The following PLEKHA5 variants were observed in gnomAD, a reference collection of about 807,000 sequenced individuals.
PLEKHA5 encodes the protein pleckstrin homology domain containing A5.
In PLEKHA5, 55 loss-of-function variants were observed where a neutral mutation model predicts 181.9. That is an observed-to-expected ratio of 0.30 (90% CI 0.24 to 0.38). The LOEUF (loss-of-function observed/expected upper bound fraction) is 0.38, where lower values mean the gene tolerates loss of function less well. Ranked by LOEUF, PLEKHA5 falls within the 10% of genes least tolerant of loss-of-function variation. The pLI, the probability that PLEKHA5 is intolerant of heterozygous loss-of-function variation, is 1.00. For synonymous variants in PLEKHA5, 535 were observed against 529.4 expected (o/e 1.01, Z -0.15); for missense variants, 1,432 against 1,549.5 (o/e 0.92, Z 1.27).
chr12:19,327,355 AT>A (rs546586801), intron 20 of PLEKHA5, among the ~76,000 whole-genome samples: 8 of 150,294 alleles, frequency 5.3e-5, no homozygotes, highest in East Asian at 2.0e-4. Flanking sequence ...GATATGGAGC[AT>A]TTTTTTATAT....
chr12:19,347,882 C>CTT lies in PLEKHA5; in HGVS notation c.2899-498_2899-497dup, dbSNP rs527719770. Among the ~76,000 whole-genome samples the CTT allele has an allele frequency of 8.8e-3, 1,058 of 119,792 alleles. 7 individuals carry two copies. Among genetic ancestry groups the CTT allele is most frequent in the African/African-American group, 0.019 (612 of 31,582 alleles). The allele number at this position is 119,792 out of a possible 152,430, so 78.6% of individuals were successfully genotyped here. Reference sequence around the variant, plus strand: ...TGTTCCTAAGAGGAACAGAAATATTCTTTTTTTTTTTTTTTTTTTTGAGAC... The same window carrying CTT: ...TGTTCCTAAGAGGAACAGAAATATTCTTTTTTTTTTTTTTTTTTTTTTGAGAC... On this transcript the variant is annotated intron_variant, in intron 24 of 31. Coordinates refer to ENST00000429027, the MANE Select transcript of PLEKHA5 (RefSeq NM_001256470.2).
intron 3 of PLEKHA5, among the ~76,000 whole-genome samples, chr12:19,134,123 G>C (rs184010807): frequency 1.5e-3 from 229 of 152,078 alleles, no homozygotes; most frequent in African/African-American, 5.3e-3. Context: ...ATCTTATTCT[G>C]TGTGGGCTGA....
At chr12:19,180,252 A>C (rs964299759) in intron 3 of PLEKHA5, among the ~76,000 whole-genome samples, 2 of 152,168 alleles carry the variant, frequency 1.3e-5, no homozygotes, top group African/African-American at 4.8e-5. Flanking sequence ...TATAGACTTT[A>C]AATCACTGTT....
At chr12:19,236,478 G>A (rs752331326) in intron 3 of PLEKHA5, among the ~76,000 whole-genome samples, 2 of 151,930 alleles carry the variant, frequency 1.3e-5, no homozygotes, top group Non-Finnish European at 2.9e-5. Context: ...GTTTCTGGGT[G>A]GTGGAATTCC....
Position 19,160,237 on chromosome 12 carries a change from T to TC in PLEKHA5, c.227+27788dup, listed in dbSNP as rs2042668509. On this transcript the variant is annotated intron_variant, in intron 3 of 31. Transcript: ENST00000429027. ...AGTGTTCTTATTTTTAAGATAAAGTTCATGTTATTGAACACTGACAGTCAT... is the reference window on the plus strand; with the variant it reads ...AGTGTTCTTATTTTTAAGATAAAGTTCCATGTTATTGAACACTGACAGTCAT... 1.3e-5 allele frequency among the ~76,000 whole-genome samples: 2 copies of TC among 152,102 alleles called. 1 individual carries two copies. The highest frequency in any genetic ancestry group is 1.3e-4 in the Admixed American group (2 of 15,272).
chr12:19,340,434 C>T (rs1555167430), intron 21 of PLEKHA5, among the ~76,000 whole-genome samples: 16 of 125,154 alleles, frequency 1.3e-4, no homozygotes, highest in Non-Finnish European at 1.7e-4. Flanking sequence ...GCCCGGCCAC[C>T]ACCCCGTCTG....
intron 3 of PLEKHA5, among the ~76,000 whole-genome samples, chr12:19,211,394 A>G (rs2056866719): frequency 6.6e-6 from 1 of 152,060 alleles, no homozygotes; most frequent in South Asian, 2.1e-4. Context: ...AAGTGTCCTT[A>G]GAAGGGGAGG....
chr12:19,304,782 T>G (rs1205534861), intron 15 of PLEKHA5, among the ~76,000 whole-genome samples: 2 of 151,154 alleles, frequency 1.3e-5, no homozygotes, highest in Non-Finnish European at 2.9e-5. Flanking sequence ...TTGCCAGATA[T>G]GAGAACTACA....
intron 3 of PLEKHA5, among the ~76,000 whole-genome samples, chr12:19,240,643 TA>T (rs201118808): frequency 2.3e-3 from 340 of 149,776 alleles, no homozygotes; most frequent in Non-Finnish European, 3.6e-3. Flanking sequence ...TTATTATTAT[TA>T]TTTTTTTTTA....
intron 15 of PLEKHA5, among the ~76,000 whole-genome samples, chr12:19,296,510 G>A (rs958878449): frequency 6.6e-6 from 1 of 150,700 alleles, no homozygotes; most frequent in Non-Finnish European, 1.5e-5. Flanking sequence ...ATCATGCCCT[G>A]CACTCCAGCC....
At chr12:19,190,801 AG>A (rs1281817339) in intron 3 of PLEKHA5, among the ~76,000 whole-genome samples, 2 of 152,212 alleles carry the variant, frequency 1.3e-5, no homozygotes, top group Non-Finnish European at 2.9e-5. Flanking sequence ...AGCCCTCTCA[AG>A]ATAAGCAGAA....
At chr12:19,315,044 A>G (rs1272664376) in intron 16 of PLEKHA5, 150 bp downstream of exon 16, 2 of 615,558 alleles carry the variant, frequency 3.2e-6, no homozygotes, top group African/African-American at 1.8e-5. Flanking sequence ...CAATTCATCC[A>G]TGCTTTTCAA....
chr12:19,290,577 A>G, intron 13 of PLEKHA5, 100 bp from the exon 14 acceptor site: 1 of 1,045,706 alleles, frequency 9.6e-7, no homozygotes, highest in Non-Finnish European at 1.4e-6. Context: ...TGTCAACCAT[A>G]AGAGGAAACT....
At position 19,130,147 on chromosome 12, in the gene PLEKHA5, A is replaced by C; in HGVS notation, c.169+17A>C. ...AGAGCACAGGTAACGCCGGGCCCAA[A>C]CGGAGTTGGGCTCCGCCTGGAGGAG... On this transcript the variant is annotated intron_variant, in intron 2 of 31. Coordinates refer to ENST00000429027, the MANE Select transcript of PLEKHA5 (RefSeq NM_001256470.2). This position sits in a 1 kb window ranked among gnomAD's most constrained non-coding sequence, Gnocchi z 4.5. 1 of 1,517,164 alleles carries C rather than the reference A, an allele frequency of 6.6e-7. No homozygotes were observed. Among genetic ancestry groups the C allele is most frequent in the Non-Finnish European group, 8.9e-7 (1 of 1,123,046 alleles). The allele number at this position is 1,517,164 out of a possible 1,614,324, so 94.0% of individuals were successfully genotyped here. A position where few individuals can be genotyped will look rare whatever the true frequency, so the allele number is the denominator to read the frequency against.
At chr12:19,350,267 A>G (rs1368994268) in intron 25 of PLEKHA5, among the ~76,000 whole-genome samples, 3 of 152,240 alleles carry the variant, frequency 2.0e-5, no homozygotes, top group Non-Finnish European at 4.4e-5. Flanking sequence ...GTTGTGTAGT[A>G]GAATGTAGTA....
chr12:19,314,737 T>C lies in PLEKHA5; in HGVS notation c.2038-77T>C, dbSNP rs775562128. ...TAGGAAGATATTAAAGTAGAGGCTA[T>C]ATTTACAGTGTCGTCTTTCAAATCT... On this transcript the variant is annotated intron_variant, in intron 15 of 31. Coordinates refer to ENST00000429027, the MANE Select transcript of PLEKHA5 (RefSeq NM_001256470.2). The C allele has an allele frequency of 3.9e-6, 3 of 767,932 alleles. No individual in the cohort carries two copies. The South Asian group carries it at 4.4e-5, about 11-fold the overall frequency. 47.6% of individuals were successfully genotyped at this position (767,932 alleles called of 1,614,324 possible).
At chr12:19,188,765 T>C (rs1458013667) in intron 3 of PLEKHA5, among the ~76,000 whole-genome samples, 1 of 152,258 alleles carries the variant, frequency 6.6e-6, no homozygotes, top group Non-Finnish European at 1.5e-5. Context: ...CTATTCCTTT[T>C]TCAAATTAAA....
chr12:19,295,110 G>T (rs180828907), intron 15 of PLEKHA5, among the ~76,000 whole-genome samples: 3 of 152,254 alleles, frequency 2.0e-5, no homozygotes, highest in East Asian at 3.9e-4. Flanking sequence ...TAGGCCCAAA[G>T]TAGAACCTGT....
intron 15 of PLEKHA5, among the ~76,000 whole-genome samples, chr12:19,298,895 A>G (rs1361438973): frequency 6.6e-6 from 1 of 152,202 alleles, no homozygotes; most frequent in East Asian, 1.9e-4. Context: ...CTGGCACCTT[A>G]AAACCCCCAG....
Sources: gnomAD v4.1 joint callset for allele counts (sites outside exome capture counted in the v4.1 genomes callset) on GRCh38, gnomAD v4.1.1 for gene constraint, Gnocchi (gnomAD v3.1) non-coding constraint, MANE v1.5 for transcripts, NCBI Gene and HGNC (gene_info 2026-07-23, HGNC 2026-07-21) for gene names.